PPP2R3A: variants seen among roughly 807,000 people sequenced by gnomAD.
The protein encoded by PPP2R3A is serine/threonine-protein phosphatase 2A regulatory subunit B'' subunit alpha.
A neutral mutation model predicts 106.9 loss-of-function variants in PPP2R3A; 80 were observed. The observed-to-expected ratio is 0.75, with a 90% CI of 0.62 to 0.90. PPP2R3A has a LOEUF of 0.90. Among genes scored for constraint, PPP2R3A ranks in the 40% least tolerant of loss-of-function variants. PPP2R3A has a pLI of 0.00. For missense variants in PPP2R3A, 1,386 were observed against 1,350.4 expected, an observed-to-expected ratio of 1.03 and a Z score of -0.41; for synonymous variants, 483 against 468.3, an observed-to-expected ratio of 1.03 and a Z score of -0.41.
At chr3:136,041,257 T>TTG in intron 4 of PPP2R3A, among the ~76,000 whole-genome samples, 3 of 121,908 alleles carry the variant, frequency 2.5e-5, no homozygotes, top group African/African-American at 9.9e-5. Context: ...TTTGTTTTTT[T>TTG]TTTTGTTTTT....
intron 1 of PPP2R3A, among the ~76,000 whole-genome samples, chr3:135,977,070 C>T (rs1937438393): frequency 6.6e-6 from 1 of 151,884 alleles, no homozygotes; most frequent in African/African-American, 2.4e-5. Flanking sequence ...AGGTCCTCCT[C>T]CATTCTATTT....
chr3:136,117,955 A>T (rs1012667206), intron 13 of PPP2R3A, among the ~76,000 whole-genome samples: 3 of 152,230 alleles, frequency 2.0e-5, no homozygotes, highest in Admixed American at 6.5e-5. Flanking sequence ...ATTCCTGATG[A>T]ACATCGATGC....
Position 136,001,428 on chromosome 3 carries a change from T to A in PPP2R3A, c.-71T>A, listed in dbSNP as rs1933616241. 2.4e-6 allele frequency: 3 copies of A among 1,269,116 alleles called. No individual in the cohort carries two copies. The South Asian group carries it at 4.2e-5, about 18-fold the overall frequency. The allele number at this position is 1,269,116 out of a possible 1,614,324, so 78.6% of individuals were successfully genotyped here. ...TATTAAATATATTTTCAGCTAACTGTCATTTAGGAGAATTTTCATGAAACA... is the reference window on the plus strand; with the variant it reads ...TATTAAATATATTTTCAGCTAACTGACATTTAGGAGAATTTTCATGAAACA... On this transcript the variant is annotated 5_prime_UTR_variant, in exon 2 of 14. Transcript: ENST00000264977.
In PPP2R3A at chr3:136,107,649, GCTGAACAAGC is replaced by G. The variant is rs1464095267; in HGVS notation, c.3329+1329_3329+1338del. Among the ~76,000 whole-genome samples, 10 of 152,030 alleles carry G rather than the reference GCTGAACAAGC, an allele frequency of 6.6e-5. No homozygotes were observed. In the East Asian group the frequency reaches 1.9e-3, roughly 29 times the overall value. The stretch of plus-strand genomic sequence containing the variant: ...ATTAAATATTATCTTTTTTGAGGGT[GCTGAACAAGC>G]CATCAGCAAAGAGCTTTCTTTCACT... On this transcript the variant is annotated intron_variant, in intron 13 of 13. Coordinates refer to ENST00000264977, the MANE Select transcript of PPP2R3A (RefSeq NM_002718.5).
chr3:135,966,138 A>T (rs1937075812), intron 1 of PPP2R3A, among the ~76,000 whole-genome samples: 2 of 151,888 alleles, frequency 1.3e-5, no homozygotes, highest in African/African-American at 4.8e-5. Context: ...GCGCCCGCGG[A>T]GGAGGGTAGG....
At chr3:136,118,534 G>A (rs1188339461) in intron 13 of PPP2R3A, among the ~76,000 whole-genome samples, 1 of 152,136 alleles carries the variant, frequency 6.6e-6, no homozygotes, top group African/African-American at 2.4e-5. Flanking sequence ...CAAAGTCTCA[G>A]GATACAAAAT....
At chr3:136,093,460 A>G (rs2107951283) in intron 10 of PPP2R3A, among the ~76,000 whole-genome samples, 1 of 152,330 alleles carries the variant, frequency 6.6e-6, no homozygotes, top group South Asian at 2.1e-4. Context: ...TGATCAAGAA[A>G]GTAAAAAGAC....
Position 136,002,422 on chromosome 3 carries a change from A to T in PPP2R3A, c.924A>T (p.Thr308=). The change falls in exon 2 of 14, where the codon ACA becomes ACT. Residue 308 remains threonine (T), a synonymous_variant. Transcript: ENST00000264977. The stretch of plus-strand genomic sequence containing the variant: ...GGAATAATGAGGCTCTAGATTTAAC[A>T]GAACTGATCAGTAATATGCCTAGCT... ...QSGNNEALDL[T]ELISNMPSLQ... is the part of the protein sequence containing the mutation. 1 of 1,613,986 alleles carries T rather than the reference A, an allele frequency of 6.2e-7. No homozygotes were observed. Among genetic ancestry groups the T allele is most frequent in the Non-Finnish European group, 8.5e-7 (1 of 1,179,850 alleles).
intron 2 of PPP2R3A, among the ~76,000 whole-genome samples, chr3:136,015,089 A>C (rs1934224411): frequency 6.6e-6 from 1 of 151,810 alleles, no homozygotes; most frequent in Non-Finnish European, 1.5e-5. Flanking sequence ...TGATCATGTG[A>C]TTTTTGTTTT....
chr3:135,998,908 A>G (rs945287270), intron 1 of PPP2R3A, among the ~76,000 whole-genome samples: 1 of 152,240 alleles, frequency 6.6e-6, no homozygotes, highest in South Asian at 2.1e-4. Context: ...AAGTTAAAGT[A>G]TATACATAAG....
Position 136,041,250 on chromosome 3 carries a change from G to GTTTTTTTTTTTTT in PPP2R3A, c.2366+299_2366+300insTTTTTTTTTTTTT, listed in dbSNP as rs1246326384. ...CTTGGTTTTTCTTGTTTTTTTTTTT[G>GTTTTTTTTTTTTT]TTTTTTTTTTTGTTTTTTTTTTTTT... On this transcript the variant is annotated intron_variant, in intron 4 of 13. Transcript: ENST00000264977. Among the ~76,000 whole-genome samples, 107 of 56,550 alleles carry GTTTTTTTTTTTTT rather than the reference G, an allele frequency of 1.9e-3. 16 individuals are homozygous for GTTTTTTTTTTTTT. Among genetic ancestry groups the GTTTTTTTTTTTTT allele is most frequent in the African/African-American group, 3.7e-3 (62 of 16,868 alleles). 37.1% of individuals were successfully genotyped at this position (56,550 alleles called of 152,430 possible). A position where few individuals can be genotyped will look rare whatever the true frequency, so the allele number is the denominator to read the frequency against.
At chr3:135,994,488 C>T (rs994592644) in intron 1 of PPP2R3A, among the ~76,000 whole-genome samples, 19 of 152,112 alleles carry the variant, frequency 1.2e-4, no homozygotes, top group Non-Finnish European at 2.8e-4. Context: ...TATGTTTAAT[C>T]CTCTACCCTA....
chr3:136,140,370 T>A (rs549790006), intron 13 of PPP2R3A, among the ~76,000 whole-genome samples: 11 of 150,432 alleles, frequency 7.3e-5, no homozygotes, highest in Non-Finnish European at 1.5e-4. Flanking sequence ...GCAGGAGGAT[T>A]CCTTGAGCCT....
chr3:136,059,025 CTA>C (rs1935980301), intron 5 of PPP2R3A, among the ~76,000 whole-genome samples: 1 of 152,048 alleles, frequency 6.6e-6, no homozygotes, highest in Admixed American at 6.6e-5. Flanking sequence ...AAACGCAAAA[CTA>C]TAAAATCCCT....
At chr3:136,087,810 ATTTG>A in intron 8 of PPP2R3A, 69 bp from the exon 9 acceptor site, 1 of 1,254,684 alleles carries the variant, frequency 8.0e-7, no homozygotes, top group Non-Finnish European at 1.1e-6. Flanking sequence ...TGAAAAGCAA[ATTTG>A]TGAAAAGTAT....
chr3:135,981,633 C>T (rs548161566), intron 1 of PPP2R3A, among the ~76,000 whole-genome samples: 1 of 151,722 alleles, frequency 6.6e-6, no homozygotes, highest in South Asian at 2.1e-4. Flanking sequence ...CAGTGGTGAC[C>T]ACAGCAAACA....
At chr3:136,125,017 C>T (rs1453241387) in intron 13 of PPP2R3A, among the ~76,000 whole-genome samples, 1 of 152,106 alleles carries the variant, frequency 6.6e-6, no homozygotes, top group Non-Finnish European at 1.5e-5. Flanking sequence ...AAAGTCTTCC[C>T]CATAAGAAAA....
At chr3:136,137,411 C>G (rs543803695) in intron 13 of PPP2R3A, among the ~76,000 whole-genome samples, 1 of 151,930 alleles carries the variant, frequency 6.6e-6, no homozygotes, top group Non-Finnish European at 1.5e-5. Flanking sequence ...TGTTCTCAAG[C>G]AGTAACTCAC....
At chr3:136,007,428 A>G (rs901365826) in intron 2 of PPP2R3A, among the ~76,000 whole-genome samples, 1 of 152,158 alleles carries the variant, frequency 6.6e-6, no homozygotes, top group Non-Finnish European at 1.5e-5. Context: ...CCCTTCTCAG[A>G]CTTCAGGGTA....
Sources: allele counts gnomAD v4.1 joint callset (sites outside exome capture counted in the v4.1 genomes callset), GRCh38; gene constraint gnomAD v4.1.1; transcripts MANE v1.5; gene names NCBI Gene and HGNC (gene_info 2026-07-23, HGNC 2026-07-21).